Variants in PTGIS observed in about 807,000 individuals in gnomAD.
The protein encoded by PTGIS is prostacyclin synthase.
In PTGIS, 45 loss-of-function variants were observed where a neutral mutation model predicts 50.3. The ratio of observed to expected loss-of-function variants is 0.90; its 90% CI spans 0.70 to 1.15. PTGIS has a LOEUF of 1.15. PTGIS is among the 50% of genes most tolerant of loss of function. The pLI, the probability that PTGIS is intolerant of heterozygous loss-of-function variation, is 0.00. For synonymous variants in PTGIS, 260 were observed against 267.7 expected, an observed-to-expected ratio of 0.97 and a Z score of 0.28; for missense variants, 668 against 661.3, an observed-to-expected ratio of 1.01 and a Z score of -0.11.
At chr20:49,517,434 C>G (rs1289932620) in intron 6 of PTGIS, among the ~76,000 whole-genome samples, 1 of 150,040 alleles carries the variant, frequency 6.7e-6, no homozygotes, top group Non-Finnish European at 1.5e-5. Context: ...TTTTACCCAA[C>G]TGCACAGATG....
rs1383998433 is a variant in PTGIS at position 49,550,175 on chromosome 20, G to A, written c.89C>T (p.Pro30Leu). The A allele has an allele frequency of 1.2e-6, 2 of 1,613,178 alleles. No homozygotes were observed. ...SRRRTRRPGEPPLDLGSIPWL... is the reference protein window; with the variant it reads ...SRRRTRRPGELPLDLGSIPWL... ...GGGGATGCTGCCCAGGTCCAGGGGA[G>A]GCTCACCAGGTCGCCTACAGAAGCC... The change falls in exon 2 of 10, where the codon CCT (proline) becomes CTT (leucine). Residue 30 changes from proline to leucine, a missense_variant. Pro to Leu is a moderately conservative substitution (Grantham distance 98). Coordinates refer to ENST00000244043, the MANE Select transcript of PTGIS (RefSeq NM_000961.4).
intron 1 of PTGIS, among the ~76,000 whole-genome samples, chr20:49,554,942 AT>A: frequency 6.6e-6 from 1 of 152,186 alleles, no homozygotes; most frequent in Non-Finnish European, 1.5e-5. Flanking sequence ...ATTAGAGCTT[AT>A]TATTTGGAAA....
intron 3 of PTGIS, among the ~76,000 whole-genome samples, chr20:49,544,659 C>T (rs551690270): frequency 1.2e-4 from 18 of 152,276 alleles, no homozygotes; most frequent in African/African-American, 2.4e-4. Context: ...AATCTCATTT[C>T]GTCTTCAGAC....
At chr20:49,566,212 A>G (rs1982894020) in intron 1 of PTGIS, among the ~76,000 whole-genome samples, 1 of 152,236 alleles carries the variant, frequency 6.6e-6, no homozygotes, top group Non-Finnish European at 1.5e-5. Flanking sequence ...CCTGGGCAAC[A>G]AGAGGGAAGA....
At chr20:49,550,877 G>T (rs1168205557) in intron 1 of PTGIS, among the ~76,000 whole-genome samples, 1 of 152,184 alleles carries the variant, frequency 6.6e-6, no homozygotes, top group Non-Finnish European at 1.5e-5. Context: ...AACAAGGAAG[G>T]CAAGTTTGAA....
At chr20:49,533,635 A>C (rs2122867978) in intron 5 of PTGIS, among the ~76,000 whole-genome samples, 1 of 152,316 alleles carries the variant, frequency 6.6e-6, no homozygotes, top group Non-Finnish European at 1.5e-5. Context: ...CGGCCTTCCC[A>C]AAGGCAAAAA....
At chr20:49,550,227 C>T in intron 1 of PTGIS, 38 bp from the exon 2 acceptor site, 1 of 1,606,166 alleles carries the variant, frequency 6.2e-7, no homozygotes, top group East Asian at 2.2e-5. Flanking sequence ...TTTGATAAGG[C>T]AAGGAAGGGC....
intron 5 of PTGIS, among the ~76,000 whole-genome samples, chr20:49,536,470 C>CTTTTTTTTTT (rs1471525960): frequency 2.9e-4 from 39 of 135,082 alleles, no homozygotes; most frequent in African/African-American, 4.8e-4. Flanking sequence ...TTCTTTCTTT[C>CTTTTTTTTTT]TTTCTTTCTT....
chr20:49,529,239 G>A (rs1211003971), intron 5 of PTGIS, among the ~76,000 whole-genome samples: 2 of 152,044 alleles, frequency 1.3e-5, no homozygotes, highest in Non-Finnish European at 2.9e-5. Flanking sequence ...ATAACTCAAA[G>A]TTTATACCCT....
chr20:49,520,320 C>A (rs1981615198), intron 6 of PTGIS, among the ~76,000 whole-genome samples: 1 of 151,492 alleles, frequency 6.6e-6, no homozygotes, highest in Admixed American at 6.6e-5. Context: ...CTCCATAGAA[C>A]ACATTCCCTC....
intron 9 of PTGIS, among the ~76,000 whole-genome samples, chr20:49,508,479 A>G (rs1981219834): frequency 6.6e-6 from 1 of 152,128 alleles, no homozygotes; most frequent in Non-Finnish European, 1.5e-5. Context: ...ATACCGTGTG[A>G]GTGGAACTAC....
intron 2 of PTGIS, 133 bp downstream of exon 2, chr20:49,549,933 G>C: frequency 6.9e-7 from 1 of 1,442,096 alleles, no homozygotes; most frequent in Non-Finnish European, 9.7e-7. Context: ...AAGTTGGCTC[G>C]ACCACTCAGA....
intron 7 of PTGIS, 49 bp downstream of exon 7, chr20:49,514,178 C>T (rs1209626848): frequency 6.2e-7 from 1 of 1,605,306 alleles, no homozygotes. Flanking sequence ...TTTGGGGGTC[C>T]ATGATGACGC....
intron 1 of PTGIS, among the ~76,000 whole-genome samples, chr20:49,565,357 A>G (rs1982870533): frequency 6.6e-6 from 1 of 152,148 alleles, no homozygotes; most frequent in African/African-American, 2.4e-5. Flanking sequence ...CTGAGAATTC[A>G]TTCTTCCTGT....
At chr20:49,559,949 G>A (rs1285694327) in intron 1 of PTGIS, among the ~76,000 whole-genome samples, 1 of 149,786 alleles carries the variant, frequency 6.7e-6, no homozygotes, top group Non-Finnish European at 1.5e-5. Flanking sequence ...TTTTGAGACG[G>A]AATCTTGGTC....
At chr20:49,508,684 C>T (rs542876993) in intron 9 of PTGIS, among the ~76,000 whole-genome samples, 51 of 152,322 alleles carry the variant, frequency 3.3e-4, no homozygotes, top group Non-Finnish European at 5.1e-4. Context: ...AAACAGGCAT[C>T]GCTCTCAAGA....
intron 1 of PTGIS, among the ~76,000 whole-genome samples, chr20:49,561,823 T>C (rs1191365555): frequency 1.3e-5 from 2 of 152,200 alleles, no homozygotes; most frequent in South Asian, 2.1e-4. Context: ...GGGAAGCAGC[T>C]GAGAAGCAGG....
In PTGIS at chr20:49,558,713, A is replaced by AT. The variant is rs33976646; in HGVS notation, c.75-8525dup. On this transcript the variant is annotated intron_variant, in intron 1 of 9. Transcript: ENST00000244043. ...TGCAATCCCAAGAAGAAGTTAGACA[A>AT]TTTTTTTTTTTTTTTTTGAGATGGA... 4.3e-3 allele frequency among the ~76,000 whole-genome samples: 616 copies of AT among 144,020 alleles called. 3 individuals carry two copies. Among genetic ancestry groups the AT allele is most frequent in the Non-Finnish European group, 7.1e-3 (467 of 65,976 alleles). The allele number at this position is 144,020 out of a possible 152,430, so 94.5% of individuals were successfully genotyped here.
intron 1 of PTGIS, among the ~76,000 whole-genome samples, chr20:49,558,536 C>T (rs1340143092): frequency 3.3e-5 from 5 of 152,156 alleles, no homozygotes; most frequent in Admixed American, 6.5e-5. Context: ...AGACTTACTA[C>T]AAGACCCAGC....
Sources: allele counts gnomAD v4.1 joint callset (sites outside exome capture counted in the v4.1 genomes callset), GRCh38; gene constraint gnomAD v4.1.1; transcripts MANE v1.5; gene names NCBI Gene and HGNC (gene_info 2026-07-23, HGNC 2026-07-21).